The following FCHSD2 variants were observed in gnomAD, a reference collection of about 807,000 sequenced individuals.
The protein encoded by FCHSD2 is FCH and double SH3 domains 2, also known as F-BAR and double SH3 domains protein 2.
Under a neutral mutation model 108.1 loss-of-function variants are expected in FCHSD2, and 38 were observed. The observed-to-expected ratio is 0.35, with a 90% confidence interval of 0.27 to 0.46. The LOEUF is 0.46. FCHSD2 is among the 20% of genes least tolerant of loss of function. The pLI is 1.00. For synonymous variants in FCHSD2, 279 were observed against 314.7 expected (o/e 0.89, Z 1.20); for missense variants, 751 against 897.8 (o/e 0.84, Z 2.09).
intron 13 of FCHSD2, among the ~76,000 whole-genome samples, chr11:72,866,265 TGTTTTG>T (rs1311170072): frequency 2.6e-5 from 4 of 151,822 alleles, no homozygotes; most frequent in South Asian, 2.1e-4. Flanking sequence ...TTTTTTGTTT[TGTTTTG>T]TTTTTTTTGT....
At chr11:72,999,368 G>A (rs989594859) in intron 5 of FCHSD2, among the ~76,000 whole-genome samples, 5 of 141,508 alleles carry the variant, frequency 3.5e-5, no homozygotes, top group Admixed American at 7.6e-5. Flanking sequence ...CACCCAGGCT[G>A]GAGGGCAGTG....
chr11:72,953,809 T>C (rs969342328), intron 8 of FCHSD2, among the ~76,000 whole-genome samples: 2 of 152,040 alleles, frequency 1.3e-5, no homozygotes, highest in Non-Finnish European at 2.9e-5. Flanking sequence ...AGTGAGGGAG[T>C]ATCGAGTTCT....
At chr11:72,854,025 T>C (rs559756589) in intron 13 of FCHSD2, among the ~76,000 whole-genome samples, 2 of 152,252 alleles carry the variant, frequency 1.3e-5, no homozygotes, top group South Asian at 4.1e-4. Flanking sequence ...TGAGATACCA[T>C]TTCACACCCA....
At chr11:73,104,329 C>T (rs773630925) in intron 2 of FCHSD2, among the ~76,000 whole-genome samples, 6 of 152,216 alleles carry the variant, frequency 3.9e-5, no homozygotes, top group African/African-American at 1.2e-4. Flanking sequence ...CGCAGTGGTG[C>T]GATCTCAGCT....
At chr11:72,892,052 A>T (rs920169306) in intron 10 of FCHSD2, among the ~76,000 whole-genome samples, 7 of 152,240 alleles carry the variant, frequency 4.6e-5, no homozygotes, top group Non-Finnish European at 7.3e-5. Context: ...ATTAAGGCAG[A>T]TCTCAAAGAG....
At chr11:72,940,920 T>C in intron 8 of FCHSD2, 1 of 838,500 alleles carries the variant, frequency 1.2e-6, no homozygotes, top group Non-Finnish European at 2.0e-6. Flanking sequence ...TCCATAAAGC[T>C]ATCAGAAGAA....
At chr11:72,931,582 T>C (rs954632345) in intron 8 of FCHSD2, among the ~76,000 whole-genome samples, 5 of 151,628 alleles carry the variant, frequency 3.3e-5, no homozygotes, top group African/African-American at 4.8e-5. Context: ...CTGGCCAAGA[T>C]GGTGAAACCC....
At chr11:72,858,113 G>A (rs1255475981) in intron 13 of FCHSD2, among the ~76,000 whole-genome samples, 1 of 152,170 alleles carries the variant, frequency 6.6e-6, no homozygotes, top group African/African-American at 2.4e-5. Context: ...GTTTTTACGA[G>A]GAAGGGAGAA....
intron 17 of FCHSD2, 71 bp from the exon 18 acceptor site, chr11:72,841,654 G>A: frequency 7.0e-7 from 1 of 1,425,804 alleles, no homozygotes; most frequent in Non-Finnish European, 9.3e-7. Context: ...TTCTCTGACT[G>A]CTCTGTACTC....
At chr11:72,936,115 C>T (rs976145212) in intron 8 of FCHSD2, among the ~76,000 whole-genome samples, 4 of 152,178 alleles carry the variant, frequency 2.6e-5, no homozygotes, top group African/African-American at 7.2e-5. Context: ...AGACACTGAC[C>T]GTTCTTGAGC....
intron 3 of FCHSD2, among the ~76,000 whole-genome samples, chr11:73,035,152 A>G (rs1858457492): frequency 9.7e-6 from 1 of 103,522 alleles, no homozygotes; most frequent in Non-Finnish European, 2.1e-5. Flanking sequence ...TTTTATTTTT[A>G]TGTATGTATG....
At chr11:72,875,334 G>C (rs1854946035) in intron 12 of FCHSD2, among the ~76,000 whole-genome samples, 1 of 152,064 alleles carries the variant, frequency 6.6e-6, no homozygotes, top group Non-Finnish European at 1.5e-5. Context: ...AATTCTAGGG[G>C]TCAATATTAT....
intron 1 of FCHSD2, 145 bp from the exon 2 acceptor site, chr11:73,140,273 T>C: frequency 1.9e-6 from 1 of 532,080 alleles, no homozygotes; most frequent in South Asian, 2.8e-5. Context: ...CTAGTTTTAT[T>C]TATTGAAGAT....
At chr11:73,050,722 C>T (rs145694404) in intron 3 of FCHSD2, among the ~76,000 whole-genome samples, 253 of 152,270 alleles carry the variant, frequency 1.7e-3, no homozygotes, top group Non-Finnish European at 3.0e-3. Context: ...ATTGGTTGAA[C>T]GTTATGTCTC....
chr11:72,863,234 C>G (rs1393248424), intron 13 of FCHSD2, among the ~76,000 whole-genome samples: 1 of 151,794 alleles, frequency 6.6e-6, no homozygotes, highest in Non-Finnish European at 1.5e-5. Flanking sequence ...GCCTGAATAA[C>G]TGATTTTTGA....
chr11:73,077,630 A>G, intron 3 of FCHSD2: 1 of 437,222 alleles, frequency 2.3e-6, no homozygotes, highest in Non-Finnish European at 4.5e-6. Context: ...GTCCATCAAC[A>G]GGAAAATGGA....
At chr11:73,028,682 C>T (rs936659509) in intron 3 of FCHSD2, among the ~76,000 whole-genome samples, 17 of 152,022 alleles carry the variant, frequency 1.1e-4, no homozygotes, top group Non-Finnish European at 2.2e-4. Flanking sequence ...GCTCTGTGTC[C>T]CCACCCAATT....
At chr11:72,899,497 C>T (rs1223847326) in intron 10 of FCHSD2, among the ~76,000 whole-genome samples, 1 of 152,030 alleles carries the variant, frequency 6.6e-6, no homozygotes, top group Non-Finnish European at 1.5e-5. Flanking sequence ...ACATGTCTGG[C>T]TGAGGCAGGA....
chr11:72,879,800 C>T (rs936908258), intron 12 of FCHSD2, among the ~76,000 whole-genome samples: 41 of 151,852 alleles, frequency 2.7e-4, no homozygotes, highest in African/African-American at 9.4e-4. Context: ...ATTTAATATT[C>T]ATGTAATTGA....
Sources: allele counts gnomAD v4.1 joint callset (sites outside exome capture counted in the v4.1 genomes callset), GRCh38; gene constraint gnomAD v4.1.1; transcripts MANE v1.5; gene names NCBI Gene and HGNC (gene_info 2026-07-23, HGNC 2026-07-21).